The following PEX13 variants were observed in gnomAD, a reference collection of about 807,000 sequenced individuals.
PEX13 encodes peroxisome biogenesis factor 13.
In PEX13, 28 loss-of-function variants were observed where a neutral mutation model predicts 34.5. That is an observed-to-expected ratio of 0.81 (90% CI 0.60 to 1.11). The LOEUF is 1.11. Ranked by LOEUF, PEX13 falls within the 50% of genes most tolerant of loss-of-function variation. The pLI, the probability that PEX13 is intolerant of heterozygous loss-of-function variation, is 0.00. For missense variants in PEX13, 550 were observed against 491.0 expected (o/e 1.12, Z -1.13); for synonymous variants, 177 against 175.1 (o/e 1.01, Z -0.09).
intron 1 of PEX13, among the ~76,000 whole-genome samples, chr2:61,021,772 C>T (rs1013879509): frequency 4.6e-5 from 7 of 152,202 alleles, no homozygotes; most frequent in Non-Finnish European, 8.8e-5. Context: ...CCAGTAGGGG[C>T]TGACAGACAC....
chr2:61,031,004 T>C (rs181228014), intron 1 of PEX13, among the ~76,000 whole-genome samples: 30 of 152,256 alleles, frequency 2.0e-4, no homozygotes, highest in African/African-American at 6.7e-4. Context: ...AACTTTAAAG[T>C]GATGCCTGGG....
intron 1 of PEX13, among the ~76,000 whole-genome samples, chr2:61,019,506 G>A (rs1680207032): frequency 6.6e-6 from 1 of 152,052 alleles, no homozygotes; most frequent in African/African-American, 2.4e-5. Flanking sequence ...CCTAGATCAG[G>A]ACAGTTTTTC....
chr2:61,031,174 C>T (rs1271627032), intron 1 of PEX13, among the ~76,000 whole-genome samples: 1 of 152,014 alleles, frequency 6.6e-6, no homozygotes, highest in African/African-American at 2.4e-5. Context: ...ACCTGTAGTC[C>T]CAACTGCTCA....
Position 61,049,129 on chromosome 2 carries a change from C to T in PEX13, c.*359C>T, listed in dbSNP as rs963613938. 3 of 195,454 alleles carry T rather than the reference C, an allele frequency of 1.5e-5. No homozygotes were observed. The highest frequency in any genetic ancestry group is 2.4e-5 in the African/African-American group (1 of 41,924). 12.1% of individuals were successfully genotyped at this position (195,454 alleles called of 1,614,324 possible). Reference sequence around the variant, plus strand: ...ATCATTAATACTTTTAAAAGTTCTGCATTAATTGACTTGGAATCCTTAGAA... The same window carrying T: ...ATCATTAATACTTTTAAAAGTTCTGTATTAATTGACTTGGAATCCTTAGAA... On this transcript the variant is annotated 3_prime_UTR_variant, in exon 4 of 4. Coordinates refer to ENST00000295030, the MANE Select transcript of PEX13 (RefSeq NM_002618.4).
rs2104816639 is a variant in PEX13 at position 61,051,591 on chromosome 2, T to A, written c.*2821T>A. The A allele has an allele frequency of 6.6e-6, 1 of 152,422 alleles. No homozygotes were observed. Among genetic ancestry groups the A allele is most frequent in the East Asian group, 1.9e-4 (1 of 5,326 alleles). The allele number at this position is 152,422 out of a possible 1,614,324, so 9.4% of individuals were successfully genotyped here. A position where few individuals can be genotyped will look rare whatever the true frequency, so the allele number is the denominator to read the frequency against. Reference sequence around the variant, plus strand: ...TTTTATCATGACAGTTTTAGAATAATTTTTTTAGCTGAGATTAAATGTTCA... The same window carrying A: ...TTTTATCATGACAGTTTTAGAATAAATTTTTTAGCTGAGATTAAATGTTCA... On this transcript the variant is annotated 3_prime_UTR_variant, in exon 4 of 4. Coordinates refer to ENST00000295030, the MANE Select transcript of PEX13 (RefSeq NM_002618.4).
chr2:61,024,682 G>A (rs1407706860), intron 1 of PEX13, among the ~76,000 whole-genome samples: 5 of 152,148 alleles, frequency 3.3e-5, no homozygotes, highest in Admixed American at 6.5e-5. Context: ...GGTGGTGGGC[G>A]CCTGTAGTCC....
At chr2:61,040,295 A>G (rs539950917) in intron 2 of PEX13, among the ~76,000 whole-genome samples, 1 of 152,326 alleles carries the variant, frequency 6.6e-6, no homozygotes, top group Non-Finnish European at 1.5e-5. Flanking sequence ...ACGTATGTTT[A>G]TTGTGGCACT....
intron 2 of PEX13, among the ~76,000 whole-genome samples, chr2:61,042,564 A>G (rs962809389): frequency 6.6e-6 from 1 of 152,214 alleles, no homozygotes. Flanking sequence ...TATACTACAT[A>G]TCAGCATTAC....
intron 2 of PEX13, among the ~76,000 whole-genome samples, chr2:61,035,590 A>G (rs1240696810): frequency 1.3e-5 from 2 of 152,218 alleles, no homozygotes; most frequent in African/African-American, 2.4e-5. Context: ...GGTTAGATGA[A>G]TGGCTAACTA....
intron 1 of PEX13, among the ~76,000 whole-genome samples, chr2:61,026,006 A>C (rs1343361712): frequency 6.6e-6 from 1 of 151,918 alleles, no homozygotes; most frequent in Non-Finnish European, 1.5e-5. Flanking sequence ...ATCTCTGCCC[A>C]GCTTCTCATC....
rs918555950 is a variant in PEX13, at chr2:61,050,978, C to A, written c.*2208C>A. 2 of 152,286 alleles carry A rather than the reference C, an allele frequency of 1.3e-5. No individual in the cohort carries two copies. Among genetic ancestry groups the A allele is most frequent in the Non-Finnish European group, 2.9e-5 (2 of 68,026 alleles). The allele number at this position is 152,286 out of a possible 1,614,324, so 9.4% of individuals were successfully genotyped here. A position where few individuals can be genotyped will look rare whatever the true frequency, so the allele number is the denominator to read the frequency against. On this transcript the variant is annotated 3_prime_UTR_variant, in exon 4 of 4. Coordinates refer to ENST00000295030, the MANE Select transcript of PEX13 (RefSeq NM_002618.4). ...ACAAATAAGTAATTCTCGAATAGTT[C>A]AGATTAAAACATACAGGAACCAAGT...
rs746796080 is a variant in PEX13 at position 61,048,712 on chromosome 2, A to G, written c.1154A>G (p.Asn385Ser). Reference sequence around the variant, plus strand: ...TTTGAATCTGTTTTTGTTGAAACTAATAAGGTTCCAGTTGCACCTGATTCC... The same window carrying G: ...TTTGAATCTGTTTTTGTTGAAACTAGTAAGGTTCCAGTTGCACCTGATTCC... ...AAFESVFVET[N>S]KVPVAPDSIG... Residue 385 changes from asparagine to serine, a missense_variant, in exon 4 of 4, where the codon AAT becomes AGT. Coordinates refer to ENST00000295030, the MANE Select transcript of PEX13 (RefSeq NM_002618.4). 4.3e-6 allele frequency: 7 copies of G among 1,613,950 alleles called. No homozygotes were observed. The highest frequency in any genetic ancestry group is 4.5e-5 in the East Asian group (2 of 44,898).
chr2:61,051,245 T>C lies in PEX13; in HGVS notation c.*2475T>C, dbSNP rs1680794169. The C allele has an allele frequency of 6.6e-6, 1 of 152,368 alleles. No individual in the cohort carries two copies. Among genetic ancestry groups the C allele is most frequent in the South Asian group, 2.1e-4 (1 of 4,832 alleles). 9.4% of individuals were successfully genotyped at this position (152,368 alleles called of 1,614,324 possible). A position where few individuals can be genotyped will look rare whatever the true frequency, so the allele number is the denominator to read the frequency against. On this transcript the variant is annotated 3_prime_UTR_variant, in exon 4 of 4. Coordinates refer to ENST00000295030, the MANE Select transcript of PEX13 (RefSeq NM_002618.4). ...TGTGTTCTACAATTAAAGGTTCTGC[T>C]TTGATTTGTCAGATAATTTATAGAA...
In PEX13 at chr2:61,032,108, T is replaced by G; in HGVS notation, c.782T>G (p.Val261Gly). Residue 261 changes from valine to glycine, a missense_variant, in exon 2 of 4, where the codon GTA becomes GGA. By Grantham distance (109) the Val-to-Gly change is moderately radical (BLOSUM62 -3). Coordinates refer to ENST00000295030, the MANE Select transcript of PEX13 (RefSeq NM_002618.4). ...CTATTGTCTACTCACAGTGATGAAGTAACAGGTAAGAGAACTGTAAGGGAA... is the reference window on the plus strand; with the variant it reads ...CTATTGTCTACTCACAGTGATGAAGGAACAGGTAAGAGAACTGTAAGGGAA... ...WKLLSTHSDEVTDSINWASGE... is the reference protein window; with the variant it reads ...WKLLSTHSDEGTDSINWASGE... 6.2e-7 allele frequency: 1 copy of G among 1,605,614 alleles called. No homozygotes were observed. The highest frequency in any genetic ancestry group is 8.5e-7 in the Non-Finnish European group (1 of 1,172,364).
chr2:61,048,701 TG>T lies in PEX13; in HGVS notation c.1144del (p.Val382LeufsTer47). The T allele has an allele frequency of 6.2e-7, 1 of 1,614,082 alleles. No individual in the cohort carries two copies. Among genetic ancestry groups the T allele is most frequent in the Non-Finnish European group, 8.5e-7 (1 of 1,179,894 alleles). On this transcript the variant is annotated frameshift_variant, in exon 4 of 4. Coordinates refer to ENST00000295030, the MANE Select transcript of PEX13 (RefSeq NM_002618.4). LOFTEE classifies it high-confidence loss of function. Reference sequence around the variant, plus strand: ...AGGAAGCTGCCTTTGAATCTGTTTTTGTTGAAACTAATAAGGTTCCAGTTGC... The same window carrying T: ...AGGAAGCTGCCTTTGAATCTGTTTTTTTGAAACTAATAAGGTTCCAGTTGC... ...EQEAAFESVF[V>X]ETNKVPVAPD...
Position 61,048,490 on chromosome 2 carries a change from G to A in PEX13, c.932G>A (p.Arg311His), listed in dbSNP as rs147344836. ...CCATCAGAACAACAACCCAAAGTGC[G>A]TGGTTGGCTTCTGGCTAGCCTTGAT... ...LALKEQQPKV[R>H]GWLLASLDGQ... The change falls in exon 4 of 4, where the codon CGT (arginine) becomes CAT (histidine). Residue 311 changes from arginine to histidine, a missense_variant. Arg to His is a conservative substitution (Grantham distance 29). Transcript: ENST00000295030. 2.5e-5 allele frequency: 41 copies of A among 1,613,724 alleles called. No homozygotes were observed. Among genetic ancestry groups the A allele is most frequent in the South Asian group, 2.2e-5 (2 of 91,086 alleles).
Position 61,049,431 on chromosome 2 carries a change from T to G in PEX13, c.*661T>G, listed in dbSNP as rs1363519973. 6.6e-6 allele frequency: 1 copy of G among 152,412 alleles called. No homozygotes were observed. The allele number at this position is 152,412 out of a possible 1,614,324, so 9.4% of individuals were successfully genotyped here. On this transcript the variant is annotated 3_prime_UTR_variant, in exon 4 of 4. Coordinates refer to ENST00000295030, the MANE Select transcript of PEX13 (RefSeq NM_002618.4). ...TTCCCTCCTAGCAAAAAGTCTGAAA[T>G]TTATCTTTCTTACAAACTGTTCCAT...
At position 61,041,566 on chromosome 2, in the gene PEX13, A is replaced by G. The variant is rs901797673; in HGVS notation, c.788-4160A>G. Among the ~76,000 whole-genome samples, 4 of 152,314 alleles carry G rather than the reference A, an allele frequency of 2.6e-5. 1 individual carries two copies. The highest frequency in any genetic ancestry group is 9.6e-5 in the African/African-American group (4 of 41,570). On this transcript the variant is annotated intron_variant, in intron 2 of 3. Coordinates refer to ENST00000295030, the MANE Select transcript of PEX13 (RefSeq NM_002618.4). ...TGGAAGTCATCAAGCTCCAGCAAGT[A>G]GTTTTGGTAAAGTGGAGAAGACAGA...
intron 2 of PEX13, among the ~76,000 whole-genome samples, chr2:61,033,289 G>A (rs1680481961): frequency 1.3e-5 from 2 of 152,104 alleles, no homozygotes; most frequent in South Asian, 4.1e-4. Context: ...GAGAGATAAT[G>A]AAGACCCAAA....
Sources: gnomAD v4.1 joint callset for allele counts (sites outside exome capture counted in the v4.1 genomes callset) on GRCh38, gnomAD v4.1.1 for gene constraint, MANE v1.5 for transcripts, NCBI Gene and HGNC (gene_info 2026-07-23, HGNC 2026-07-21) for gene names.